Variants in RYR3 observed in about 807,000 individuals in gnomAD.
RYR3 encodes the protein brain ryanodine receptor-calcium release channel.
A neutral mutation model predicts 584.3 loss-of-function variants in RYR3; 207 were observed. The observed-to-expected ratio is 0.35, with a 90% CI of 0.32 to 0.40. The LOEUF (loss-of-function observed/expected upper bound fraction) is 0.40, where lower values mean the gene tolerates loss of function less well. RYR3 is among the 10% of genes least tolerant of loss of function. RYR3 has a pLI of 1.00. For synonymous variants in RYR3, 2,416 were observed against 2,248.5 expected (o/e 1.07, Z -2.11); for missense variants, 5,616 against 6,089.2 (o/e 0.92, Z 2.59).
Position 33,865,126 on chromosome 15 carries a change from T to C in RYR3, c.14518-5T>C. The C allele has an allele frequency of 6.2e-7, 1 of 1,609,268 alleles. No individual in the cohort carries two copies. The highest frequency in any genetic ancestry group is 1.1e-5 in the South Asian group (1 of 90,442). On this transcript the variant is annotated splice_region_variant and splice_polypyrimidine_tract_variant and intron_variant, in intron 103 of 103. Coordinates refer to ENST00000634891, the MANE Select transcript of RYR3 (RefSeq NM_001036.6). ...AATAAGCACCCGTTGTTCATATTAT[T>C]TCAGGAATCTTATGTCTGGAAGATG...
intron 2 of RYR3, among the ~76,000 whole-genome samples, chr15:33,477,143 CCTT>C (rs1444030223): frequency 2.6e-5 from 4 of 152,064 alleles, no homozygotes; most frequent in African/African-American, 9.7e-5. Flanking sequence ...CATCAAATAT[CCTT>C]CTTCTCAGCT....
chr15:33,668,445 G>C (rs1408604531), intron 36 of RYR3, among the ~76,000 whole-genome samples: 1 of 152,002 alleles, frequency 6.6e-6, no homozygotes, highest in Admixed American at 6.5e-5. Context: ...AAGCACTCAG[G>C]GGCAAATTTT....
In RYR3 at chr15:33,533,307, A is replaced by G. The variant is rs777454167; in HGVS notation, c.355-4A>G. The G allele has an allele frequency of 6.3e-7, 1 of 1,595,308 alleles. No homozygotes were observed. The highest frequency in any genetic ancestry group is 1.3e-5 in the African/African-American group (1 of 74,812). Reference sequence around the variant, plus strand: ...CTTCACTAGTATTTGCTCTTCTTTCACAGTATCTAACATGCTTGACTACAT... The same window carrying G: ...CTTCACTAGTATTTGCTCTTCTTTCGCAGTATCTAACATGCTTGACTACAT... On this transcript the variant is annotated splice_polypyrimidine_tract_variant and splice_region_variant and intron_variant, in intron 4 of 103. Coordinates refer to ENST00000634891, the MANE Select transcript of RYR3 (RefSeq NM_001036.6).
intron 69 of RYR3, among the ~76,000 whole-genome samples, chr15:33,805,719 C>T (rs1283660831): frequency 3.3e-5 from 5 of 151,788 alleles, no homozygotes; most frequent in Non-Finnish European, 7.4e-5. Context: ...CGTCATGATC[C>T]GCCCGCCTCG....
intron 70 of RYR3, 67 bp from the exon 71 acceptor site, chr15:33,810,412 G>C: frequency 6.4e-7 from 1 of 1,551,292 alleles, no homozygotes; most frequent in Non-Finnish European, 8.8e-7. Flanking sequence ...GGCTGCCTCT[G>C]ACAGGAGGCC....
chr15:33,670,602 A>C (rs1157917159), intron 38 of RYR3, 46 bp downstream of exon 38: 1 of 1,509,718 alleles, frequency 6.6e-7, no homozygotes, highest in South Asian at 1.4e-5. Flanking sequence ...TCTAAGACTT[A>C]ATTAATGTAA....
At chr15:33,325,266 C>G (rs1159301640) in intron 1 of RYR3, among the ~76,000 whole-genome samples, 1 of 152,184 alleles carries the variant, frequency 6.6e-6, no homozygotes, top group Non-Finnish European at 1.5e-5. Flanking sequence ...CCCCTTTACT[C>G]CCATGAGATT....
chr15:33,740,040 T>G, intron 51 of RYR3, 45 bp downstream of exon 51: 1 of 1,558,970 alleles, frequency 6.4e-7, no homozygotes, highest in Non-Finnish European at 8.8e-7. Flanking sequence ...TTTTGTCCAA[T>G]AGCCAATGTT....
chr15:33,343,821 T>C (rs183389164), intron 1 of RYR3, among the ~76,000 whole-genome samples: 1 of 152,312 alleles, frequency 6.6e-6, no homozygotes, highest in Non-Finnish European at 1.5e-5. Context: ...GCCTATTTAT[T>C]TGGCCCAGTT....
chr15:33,782,262 T>G (rs2074434663), intron 65 of RYR3, among the ~76,000 whole-genome samples: 1 of 152,156 alleles, frequency 6.6e-6, no homozygotes, highest in Non-Finnish European at 1.5e-5. Flanking sequence ...GGGAGGGGAA[T>G]TAGTCTCTTG....
At chr15:33,831,401 T>C (rs1025755382) in intron 86 of RYR3, among the ~76,000 whole-genome samples, 3 of 152,250 alleles carry the variant, frequency 2.0e-5, no homozygotes, top group Admixed American at 1.3e-4. Flanking sequence ...AAACTCTTTA[T>C]ATCTAGAAAA....
Position 33,739,258 on chromosome 15 carries a change from C to G in RYR3, c.7657-574C>G, listed in dbSNP as rs962965418. ...CATGCACATAGCTTGTTCACCTGCA[C>G]TTAAATTTTCTTTACCCCTGGATTT... On this transcript the variant is annotated intron_variant, in intron 50 of 103. Coordinates refer to ENST00000634891, the MANE Select transcript of RYR3 (RefSeq NM_001036.6). Among the ~76,000 whole-genome samples, 12 of 152,330 alleles carry G rather than the reference C, an allele frequency of 7.9e-5. 1 individual carries two copies. In the South Asian group the frequency reaches 2.3e-3, roughly 29 times the overall value.
chr15:33,596,175 G>C (rs1225392462), intron 16 of RYR3, among the ~76,000 whole-genome samples: 1 of 150,476 alleles, frequency 6.6e-6, no homozygotes, highest in African/African-American at 2.4e-5. Context: ...TTTTGAATTA[G>C]ACAAAACTTG....
chr15:33,452,023 C>T (rs986084179), intron 1 of RYR3, among the ~76,000 whole-genome samples: 10 of 152,152 alleles, frequency 6.6e-5, no homozygotes, highest in Admixed American at 5.2e-4. Context: ...GTTGAAGGCC[C>T]GGAAAGGGCC....
intron 24 of RYR3, 103 bp downstream of exon 24, chr15:33,633,211 T>C: frequency 1.7e-6 from 2 of 1,178,390 alleles, no homozygotes; most frequent in South Asian, 1.5e-5. Context: ...GAGTTTGCCT[T>C]TGCACTCTAT....
In RYR3 at chr15:33,826,703, G is replaced by A. The variant is rs148918638; in HGVS notation, c.11196G>A (p.Thr3732=). The change falls in exon 84 of 104, where the codon ACG becomes ACA. Residue 3732 remains threonine (T), a synonymous_variant. Coordinates refer to ENST00000634891, the MANE Select transcript of RYR3 (RefSeq NM_001036.6). Reference sequence around the variant, plus strand: ...AAGTACTCCAGAATGACGAGTTCACGCGTGATCTCTTTAGATTCCTACAGT... The same window carrying A: ...AAGTACTCCAGAATGACGAGTTCACACGTGATCTCTTTAGATTCCTACAGT... ...GEKVLQNDEF[T]RDLFRFLQLL... is the part of the protein sequence containing the mutation. 1.1e-3 allele frequency: 1,836 copies of A among 1,613,924 alleles called. 4 individuals are homozygous for A. Among genetic ancestry groups the A allele is most frequent in the Middle Eastern group, 2.8e-3 (17 of 6,062 alleles).
Position 33,314,931 on chromosome 15 carries a change from A to AC in RYR3, c.51+3835_51+3836insC, listed in dbSNP as rs1555423606. 4.5e-3 allele frequency among the ~76,000 whole-genome samples: 445 copies of AC among 99,330 alleles called. 1 individual carries two copies. The highest frequency in any genetic ancestry group is 0.045 in the Middle Eastern group (9 of 202). The allele number at this position is 99,330 out of a possible 152,430, so 65.2% of individuals were successfully genotyped here. A position where few individuals can be genotyped will look rare whatever the true frequency, so the allele number is the denominator to read the frequency against. Reference sequence around the variant, plus strand: ...TCAGTCTCAAAGAAAACAAACAACAAAAAAAAAAACCAAAAAAAAACAACA... The same window carrying AC: ...TCAGTCTCAAAGAAAACAAACAACAACAAAAAAAAACCAAAAAAAAACAACA... On this transcript the variant is annotated intron_variant, in intron 1 of 103. Transcript: ENST00000634891.
chr15:33,858,326 TCCCTAGTAGCTGGGATTACAGGCATGCAC>T, intron 99 of RYR3: 1 of 175,044 alleles, frequency 5.7e-6, no homozygotes, highest in Non-Finnish European at 1.2e-5. Flanking sequence ...TGCCTCAGCC[TCCCTAGTAGCTGGGATTACAGGCATGCAC>T]CACCACACCT....
At chr15:33,332,138 T>C (rs2140682399) in intron 1 of RYR3, among the ~76,000 whole-genome samples, 1 of 152,200 alleles carries the variant, frequency 6.6e-6, no homozygotes, top group East Asian at 1.9e-4. Context: ...ATGAGTTAAA[T>C]ATCCAGATAT....
Sources: allele counts gnomAD v4.1 joint callset (sites outside exome capture counted in the v4.1 genomes callset), GRCh38; gene constraint gnomAD v4.1.1; transcripts MANE v1.5; gene names NCBI Gene and HGNC (gene_info 2026-07-23, HGNC 2026-07-21).